The following INTS9 variants were observed in gnomAD, a reference collection of about 807,000 sequenced individuals.
INTS9 encodes the protein protein related to CPSF subunits of 74 kDa.
INTS9 carries 55 observed loss-of-function variants against 79.7 expected under a neutral mutation model. That is an observed-to-expected ratio of 0.69 (90% confidence interval 0.56 to 0.86). The LOEUF (loss-of-function observed/expected upper bound fraction) is 0.86, where lower values mean the gene tolerates loss of function less well. Among genes scored for constraint, INTS9 ranks in the 40% least tolerant of loss-of-function variants. The pLI is 0.00. For synonymous variants in INTS9, 319 were observed against 325.2 expected (o/e 0.98, Z 0.20); for missense variants, 721 against 831.5 (o/e 0.87, Z 1.64).
chr8:28,876,781 G>C (rs967636471), intron 1 of INTS9, among the ~76,000 whole-genome samples: 14 of 152,094 alleles, frequency 9.2e-5, no homozygotes, highest in Non-Finnish European at 1.8e-4. Context: ...AGGGGCCTGT[G>C]TAGTGAACAC....
chr8:28,805,098 A>G (rs1413506748), intron 8 of INTS9, among the ~76,000 whole-genome samples: 1 of 152,248 alleles, frequency 6.6e-6, no homozygotes, highest in African/African-American at 2.4e-5. Flanking sequence ...AGTTAAAGGA[A>G]ATTGGAAGAT....
intron 5 of INTS9, 35 bp downstream of exon 5, chr8:28,837,602 T>A: frequency 6.2e-7 from 1 of 1,603,064 alleles, no homozygotes; most frequent in Non-Finnish European, 8.5e-7. Flanking sequence ...AGCTCCGCAG[T>A]CACATCCTAG....
chr8:28,772,162 T>C (rs1802585476), intron 14 of INTS9, among the ~76,000 whole-genome samples: 2 of 152,194 alleles, frequency 1.3e-5, no homozygotes, highest in South Asian at 4.2e-4. Flanking sequence ...TGCCTGGCCA[T>C]AATGTCCATT....
chr8:28,862,688 G>T (rs935770771), intron 1 of INTS9, among the ~76,000 whole-genome samples: 5 of 152,184 alleles, frequency 3.3e-5, no homozygotes, highest in Admixed American at 3.3e-4. Flanking sequence ...CAGAAGATCT[G>T]TTTCACTGCT....
intron 16 of INTS9, 67 bp downstream of exon 16, chr8:28,769,822 G>T: frequency 6.3e-7 from 1 of 1,586,092 alleles, no homozygotes. Flanking sequence ...GCAGCCAGGG[G>T]GCCATAGTGA....
intron 6 of INTS9, among the ~76,000 whole-genome samples, chr8:28,831,864 AATTTTTTTTTGT>A (rs1244851724): frequency 6.6e-6 from 1 of 151,830 alleles, no homozygotes; most frequent in African/African-American, 2.4e-5. Context: ...ACGCCTGGCT[AATTTTTTTTTGT>A]ATTTTTGGTA....
At chr8:28,877,081 T>C (rs1390498961) in intron 1 of INTS9, among the ~76,000 whole-genome samples, 3 of 152,124 alleles carry the variant, frequency 2.0e-5, no homozygotes, top group Non-Finnish European at 1.5e-5. Context: ...TGTGAACTAA[T>C]AATTCTAAAT....
intron 2 of INTS9, among the ~76,000 whole-genome samples, chr8:28,850,876 A>G (rs1400501737): frequency 6.6e-6 from 1 of 152,222 alleles, no homozygotes. Flanking sequence ...ACCATGTCTA[A>G]AGTGAACAGC....
chr8:28,807,090 T>A (rs747777435), intron 8 of INTS9, among the ~76,000 whole-genome samples: 4 of 152,018 alleles, frequency 2.6e-5, no homozygotes, highest in Non-Finnish European at 4.4e-5. Flanking sequence ...CTGATCAAGA[T>A]GATGATGAAA....
chr8:28,835,468 C>CGGCGA, intron 5 of INTS9, 90 bp from the exon 6 acceptor site: 6 of 661,508 alleles, frequency 9.1e-6, no homozygotes, highest in Admixed American at 2.4e-5. Context: ...AAATGACTTG[C>CGGCGA]CCACCTCCCC....
intron 13 of INTS9, 60 bp from the exon 14 acceptor site, chr8:28,775,986 G>T: frequency 1.5e-6 from 2 of 1,364,724 alleles, no homozygotes; most frequent in Non-Finnish European, 1.9e-6. Context: ...CCCTGTGGAA[G>T]GCCCATTCCT....
chr8:28,794,456 T>G (rs1249082922), intron 9 of INTS9, among the ~76,000 whole-genome samples: 1 of 152,208 alleles, frequency 6.6e-6, no homozygotes, highest in Non-Finnish European at 1.5e-5. Context: ...CCCCTATACT[T>G]TAAGTACTTA....
At chr8:28,840,611 C>T (rs966891456) in intron 4 of INTS9, among the ~76,000 whole-genome samples, 2 of 141,406 alleles carry the variant, frequency 1.4e-5, no homozygotes, top group African/African-American at 5.3e-5. Context: ...ACTATGCAGC[C>T]ATAAAAAATG....
At chr8:28,833,414 G>A (rs1202297402) in intron 6 of INTS9, among the ~76,000 whole-genome samples, 1 of 152,002 alleles carries the variant, frequency 6.6e-6, no homozygotes. Flanking sequence ...GAGGTCAAGA[G>A]ATCAAGACCG....
intron 1 of INTS9, among the ~76,000 whole-genome samples, chr8:28,886,707 TG>T (rs1810192941): frequency 6.6e-6 from 1 of 152,178 alleles, no homozygotes; most frequent in Non-Finnish European, 1.5e-5. Flanking sequence ...CAGGGAAACC[TG>T]GGTTTCGATC....
At chr8:28,777,780 C>T (rs545172202) in intron 13 of INTS9, 49 bp downstream of exon 13, 1 of 1,552,624 alleles carries the variant, frequency 6.4e-7, no homozygotes. Context: ...GCATGAGCCA[C>T]ACCAAGGTGA....
At chr8:28,879,461 T>C (rs1809577131) in intron 1 of INTS9, among the ~76,000 whole-genome samples, 1 of 152,148 alleles carries the variant, frequency 6.6e-6, no homozygotes, top group Non-Finnish European at 1.5e-5. Context: ...GTTCACATCA[T>C]ATTTAGGAGT....
intron 6 of INTS9, among the ~76,000 whole-genome samples, chr8:28,821,234 G>A (rs1192380103): frequency 6.6e-6 from 1 of 152,194 alleles, no homozygotes; most frequent in East Asian, 1.9e-4. Context: ...AAGAAAAATA[G>A]GTTTAATTGG....
chr8:28,768,987 G>A (rs780919572), intron 16 of INTS9, among the ~76,000 whole-genome samples: 1 of 152,188 alleles, frequency 6.6e-6, no homozygotes, highest in African/African-American at 2.4e-5. Flanking sequence ...GCTGGGCCAG[G>A]CAGAAGGTCC....
Sources: allele counts gnomAD v4.1 joint callset (sites outside exome capture counted in the v4.1 genomes callset), GRCh38; gene constraint gnomAD v4.1.1; transcripts MANE v1.5; gene names NCBI Gene and HGNC (gene_info 2026-07-23, HGNC 2026-07-21).